KCNIP4: variants seen among roughly 807,000 people sequenced by gnomAD.
KCNIP4 encodes potassium voltage-gated channel interacting protein 4.
KCNIP4 carries 12 observed loss-of-function variants against 34.0 expected under a neutral mutation model. The observed-to-expected ratio is 0.35, with a 90% CI of 0.23 to 0.57. KCNIP4 has a LOEUF of 0.57. KCNIP4 is among the 20% of genes least tolerant of loss of function. KCNIP4 has a pLI of 0.83. For missense variants in KCNIP4, 238 were observed against 311.7 expected (o/e 0.76, Z 1.78); for synonymous variants, 124 against 102.2 (o/e 1.21, Z -1.29).
chr4:21,336,542 G>T (rs1716197912), intron 1 of KCNIP4, among the ~76,000 whole-genome samples: 1 of 151,996 alleles, frequency 6.6e-6, no homozygotes, highest in Non-Finnish European at 1.5e-5. Context: ...AATTTTCCCA[G>T]TTGCCAATTT....
At chr4:21,576,951 T>G (rs1311616887) in intron 1 of KCNIP4, among the ~76,000 whole-genome samples, 1 of 152,174 alleles carries the variant, frequency 6.6e-6, no homozygotes, top group Non-Finnish European at 1.5e-5. Context: ...TATTATTTAT[T>G]GAGCATATCT....
chr4:21,042,869 T>G lies in KCNIP4; in HGVS notation c.62-160160A>C, dbSNP rs192182692. Among the ~76,000 whole-genome samples the G allele has an allele frequency of 2.8e-3, 429 of 152,116 alleles. 2 individuals carry two copies. The highest frequency in any genetic ancestry group is 1.0e-2 in the African/African-American group (415 of 41,512). ...GTCTCCATTATGCGATAATTTTCTT[T>G]GGGGGAAAAAAAGGATAATAAACAT... is the stretch of plus-strand genomic sequence containing the variant. On this transcript the variant is annotated intron_variant, in intron 1 of 8. Coordinates refer to ENST00000382152, the MANE Select transcript of KCNIP4 (RefSeq NM_025221.6).
At chr4:21,081,117 A>G (rs943043377) in intron 1 of KCNIP4, among the ~76,000 whole-genome samples, 2 of 151,784 alleles carry the variant, frequency 1.3e-5, no homozygotes, top group Admixed American at 1.3e-4. Context: ...AAGAGGCATG[A>G]TATACTGTGG....
intron 1 of KCNIP4, among the ~76,000 whole-genome samples, chr4:21,786,572 C>CTTTTT (rs10688809): frequency 1.4e-5 from 2 of 143,106 alleles, no homozygotes; most frequent in African/African-American, 5.2e-5. Flanking sequence ...GAGAGTCACT[C>CTTTTT]TTTTTTTTTT....
At chr4:20,942,925 G>A (rs374535187) in intron 1 of KCNIP4, among the ~76,000 whole-genome samples, 1 of 152,128 alleles carries the variant, frequency 6.6e-6, no homozygotes, top group African/African-American at 2.4e-5. Flanking sequence ...ACCTGCCTCG[G>A]CCTCTCAAAG....
At chr4:20,898,858 C>G (rs1342682564) in intron 1 of KCNIP4, among the ~76,000 whole-genome samples, 2 of 152,136 alleles carry the variant, frequency 1.3e-5, no homozygotes, top group Admixed American at 6.5e-5. Context: ...ATTGGCTAAG[C>G]AAGGTACTAG....
At chr4:21,343,093 G>A (rs543172023) in intron 1 of KCNIP4, among the ~76,000 whole-genome samples, 239 of 152,200 alleles carry the variant, frequency 1.6e-3, no homozygotes, top group African/African-American at 5.2e-3. Context: ...AAGGGTTTAT[G>A]AAAGATGGAC....
chr4:21,392,285 G>T (rs1051171375), intron 1 of KCNIP4, among the ~76,000 whole-genome samples: 51 of 150,322 alleles, frequency 3.4e-4, no homozygotes, highest in Non-Finnish European at 6.1e-4. Context: ...GATAATTTTT[G>T]TCTTGATTGT....
At chr4:21,093,672 C>T (rs375083778) in intron 1 of KCNIP4, among the ~76,000 whole-genome samples, 2 of 151,902 alleles carry the variant, frequency 1.3e-5, no homozygotes, top group Non-Finnish European at 2.9e-5. Context: ...CTAATGATAA[C>T]GAAGATGACA....
intron 3 of KCNIP4, among the ~76,000 whole-genome samples, chr4:20,790,168 GGTAA>G (rs1178686683): frequency 1.3e-5 from 2 of 152,032 alleles, no homozygotes; most frequent in Non-Finnish European, 2.9e-5. Context: ...GTCACAAAAT[GGTAA>G]GTATTTGTGT....
intron 1 of KCNIP4, among the ~76,000 whole-genome samples, chr4:21,394,878 G>T (rs992639602): frequency 1.3e-5 from 2 of 152,066 alleles, no homozygotes; most frequent in Non-Finnish European, 2.9e-5. Context: ...GAATAAATTA[G>T]CTCTCATGCT....
At chr4:21,842,946 A>G (rs1190586475) in intron 1 of KCNIP4, among the ~76,000 whole-genome samples, 4 of 152,126 alleles carry the variant, frequency 2.6e-5, no homozygotes, top group Admixed American at 1.3e-4. Flanking sequence ...TAGAGTACTT[A>G]GAACAGTATA....
intron 1 of KCNIP4, among the ~76,000 whole-genome samples, chr4:21,110,991 A>G (rs1306233130): frequency 2.0e-5 from 3 of 152,386 alleles, no homozygotes; most frequent in Admixed American, 2.0e-4. Flanking sequence ...ATCTGTAAAC[A>G]TAGAGTGTTT....
intron 1 of KCNIP4, among the ~76,000 whole-genome samples, chr4:21,655,164 A>G (rs1462319818): frequency 6.6e-6 from 1 of 152,116 alleles, no homozygotes; most frequent in African/African-American, 2.4e-5. Context: ...AAATAACAAG[A>G]TTAGATCCCA....
At chr4:20,741,565 A>T (rs1751113171) in intron 5 of KCNIP4, among the ~76,000 whole-genome samples, 1 of 152,218 alleles carries the variant, frequency 6.6e-6, no homozygotes, top group Non-Finnish European at 1.5e-5. Context: ...GACACATTTA[A>T]AGCAGTGTGT....
At chr4:21,830,491 C>A (rs1722916515) in intron 1 of KCNIP4, among the ~76,000 whole-genome samples, 1 of 151,946 alleles carries the variant, frequency 6.6e-6, no homozygotes, top group Non-Finnish European at 1.5e-5. Flanking sequence ...GCCTGACCAA[C>A]ACAATGAAAC....
chr4:20,750,499 G>A (rs1332489961), intron 4 of KCNIP4, among the ~76,000 whole-genome samples: 1 of 152,144 alleles, frequency 6.6e-6, no homozygotes, highest in Non-Finnish European at 1.5e-5. Context: ...GGTAATGATG[G>A]ACAGGTATGT....
chr4:20,855,273 G>A (rs976755569), intron 2 of KCNIP4, among the ~76,000 whole-genome samples: 7 of 152,144 alleles, frequency 4.6e-5, no homozygotes, highest in South Asian at 4.1e-4. Context: ...TCTCTGTTGT[G>A]TAAACCAATC....
At chr4:21,588,807 A>T (rs1236804300) in intron 1 of KCNIP4, among the ~76,000 whole-genome samples, 1 of 151,350 alleles carries the variant, frequency 6.6e-6, no homozygotes, top group Non-Finnish European at 1.5e-5. Flanking sequence ...AAATGTTCCT[A>T]TTTTTTTTGT....
Sources: allele counts gnomAD v4.1 joint callset (sites outside exome capture counted in the v4.1 genomes callset), GRCh38; gene constraint gnomAD v4.1.1; transcripts MANE v1.5; gene names NCBI Gene and HGNC (gene_info 2026-07-23, HGNC 2026-07-21).